Variants in LINGO2 observed in about 807,000 individuals in gnomAD.
LINGO2 encodes leucine-rich repeat and immunoglobulin-like domain-containing nogo receptor-interacting protein 2.
Under a neutral mutation model 30.6 loss-of-function variants are expected in LINGO2, and 14 were observed. That is an observed-to-expected ratio of 0.46 (90% confidence interval 0.30 to 0.72). The LOEUF is 0.72. LINGO2 is among the 30% of genes least tolerant of loss of function. LINGO2 has a pLI of 0.07. For synonymous variants in LINGO2, 317 were observed against 288.5 expected (o/e 1.10, Z -1.00); for missense variants, 729 against 751.7 (o/e 0.97, Z 0.35).
rs1825348770 is a variant in LINGO2, at chr9:28,329,591, C to G, written c.-245-34225G>C. Among the ~76,000 whole-genome samples the G allele has an allele frequency of 6.6e-6, 1 of 152,122 alleles. No homozygotes were observed. Among genetic ancestry groups the G allele is most frequent in the Admixed American group, 6.5e-5 (1 of 15,272 alleles). ...GTTCAAGCCAGGATATCCAAGCATA[C>G]ACAAAAATTCTTTATATAATTGCAC... On this transcript the variant is annotated intron_variant, in intron 3 of 5. Transcript: ENST00000379992. This position sits in a 1 kb window ranked among gnomAD's most constrained non-coding sequence, Gnocchi z 4.5.
At chr9:27,975,737 T>C (rs1185153968) in intron 5 of LINGO2, among the ~76,000 whole-genome samples, 1 of 152,168 alleles carries the variant, frequency 6.6e-6, no homozygotes, top group Non-Finnish European at 1.5e-5. Flanking sequence ...TCTTATTTCA[T>C]AAAACTGTTT....
intron 1 of LINGO2, among the ~76,000 whole-genome samples, chr9:28,497,875 C>T (rs897638783): frequency 2.0e-5 from 3 of 152,210 alleles, no homozygotes; most frequent in Non-Finnish European, 2.9e-5. Flanking sequence ...TTCCTTCTAA[C>T]AGTCAGCACC....
the LINGO2 span, among the ~76,000 whole-genome samples, chr9:28,725,827 TA>T: frequency 6.6e-6 from 1 of 152,106 alleles, no homozygotes; most frequent in South Asian, 2.1e-4. Context: ...AAATTAATGC[TA>T]AAGAAATACA....
At chr9:27,990,275 G>A (rs1029009379) in intron 5 of LINGO2, among the ~76,000 whole-genome samples, 4 of 130,688 alleles carry the variant, frequency 3.1e-5, no homozygotes, top group African/African-American at 8.8e-5. Flanking sequence ...CACATCTAAT[G>A]TAGCTTTGCC....
chr9:28,899,964 T>C, the LINGO2 span, among the ~76,000 whole-genome samples: 2 of 152,190 alleles, frequency 1.3e-5, no homozygotes, highest in African/African-American at 4.8e-5. Context: ...ACAGACTCTA[T>C]GACCTCTCCT....
chr9:28,785,429 T>C, the LINGO2 span, among the ~76,000 whole-genome samples: 10 of 152,210 alleles, frequency 6.6e-5, no homozygotes, highest in South Asian at 4.1e-4. Flanking sequence ...TTTCTCCATC[T>C]AAAGTAGCTT....
intron 4 of LINGO2, among the ~76,000 whole-genome samples, chr9:28,232,633 ACTC>A (rs1821399152): frequency 6.6e-6 from 1 of 151,590 alleles, no homozygotes; most frequent in African/African-American, 2.4e-5. Flanking sequence ...TTTAAGAACC[ACTC>A]TCTTAACAAT....
At chr9:28,290,199 T>C (rs550540994) in intron 4 of LINGO2, among the ~76,000 whole-genome samples, 2 of 152,306 alleles carry the variant, frequency 1.3e-5, no homozygotes, top group Non-Finnish European at 2.9e-5. Flanking sequence ...CCAAGTTGGG[T>C]TGACTCCCGA....
intron 4 of LINGO2, among the ~76,000 whole-genome samples, chr9:28,025,635 C>G (rs750741244): frequency 6.6e-6 from 1 of 152,096 alleles, no homozygotes; most frequent in Non-Finnish European, 1.5e-5. Context: ...TAAATTGAAA[C>G]TCTTGGTGGT....
chr9:29,155,625 T>C, the LINGO2 span, among the ~76,000 whole-genome samples: 1 of 151,670 alleles, frequency 6.6e-6, no homozygotes, highest in Non-Finnish European at 1.5e-5. Flanking sequence ...ATCAATCTCC[T>C]CTAAAAGAAA....
intron 4 of LINGO2, among the ~76,000 whole-genome samples, chr9:28,234,560 A>G (rs1821489790): frequency 6.6e-6 from 1 of 152,212 alleles, no homozygotes; most frequent in South Asian, 2.1e-4. Context: ...CATGGCTAGA[A>G]TAAAGCAGGC....
At chr9:28,877,981 T>G in the LINGO2 span, among the ~76,000 whole-genome samples, 1 of 152,170 alleles carries the variant, frequency 6.6e-6, no homozygotes, top group African/African-American at 2.4e-5. Flanking sequence ...CCTTGAAAGT[T>G]GGATTCCTAG....
the LINGO2 span, among the ~76,000 whole-genome samples, chr9:29,174,756 G>A: frequency 2.6e-5 from 4 of 152,216 alleles, no homozygotes; most frequent in Non-Finnish European, 4.4e-5. Context: ...AGAGACACCA[G>A]TTTATAAATA....
intron 4 of LINGO2, among the ~76,000 whole-genome samples, chr9:28,286,583 A>C (rs949219567): frequency 6.6e-6 from 1 of 152,204 alleles, no homozygotes; most frequent in African/African-American, 2.4e-5. Context: ...TGATAGACTG[A>C]GTAAAGAAAA....
chr9:28,587,179 G>A (rs902214805), intron 1 of LINGO2, among the ~76,000 whole-genome samples: 3 of 151,946 alleles, frequency 2.0e-5, no homozygotes, highest in Non-Finnish European at 4.4e-5. Context: ...TATGTTGGTG[G>A]GGATCAGCTG....
chr9:29,174,410 T>A, the LINGO2 span, among the ~76,000 whole-genome samples: 15 of 152,216 alleles, frequency 9.9e-5, no homozygotes, highest in Non-Finnish European at 2.1e-4. Flanking sequence ...ATATACTTGG[T>A]CTGACTGTTC....
At chr9:29,210,537 A>C in the LINGO2 span, among the ~76,000 whole-genome samples, 1 of 152,124 alleles carries the variant, frequency 6.6e-6, no homozygotes, top group Non-Finnish European at 1.5e-5. Context: ...CCTTTTTGGG[A>C]CTTCATCAAG....
intron 4 of LINGO2, among the ~76,000 whole-genome samples, chr9:28,196,823 C>G (rs1290066527): frequency 6.6e-6 from 1 of 151,856 alleles, no homozygotes; most frequent in Admixed American, 6.6e-5. Context: ...ATCACATGTT[C>G]TCACTCATAT....
intron 4 of LINGO2, among the ~76,000 whole-genome samples, chr9:28,029,631 A>G (rs774243014): frequency 9.2e-5 from 14 of 152,220 alleles, no homozygotes; most frequent in Non-Finnish European, 2.1e-4. Context: ...GTGACCTGAA[A>G]TCAGCAATAA....
Sources: allele counts gnomAD v4.1 joint callset (sites outside exome capture counted in the v4.1 genomes callset), GRCh38; gene constraint gnomAD v4.1.1; non-coding constraint Gnocchi (gnomAD v3.1); transcripts MANE v1.5; gene names NCBI Gene and HGNC (gene_info 2026-07-23, HGNC 2026-07-21).